Variants in MAP7 observed in about 807,000 individuals in gnomAD.
MAP7 encodes ensconsin.
Under a neutral mutation model 94.8 loss-of-function variants are expected in MAP7, and 52 were observed. That is an observed-to-expected ratio of 0.55 (90% CI 0.44 to 0.69). MAP7 has a LOEUF of 0.69. MAP7 is among the 30% of genes least tolerant of loss of function. The pLI is 0.00. For synonymous variants in MAP7, 350 were observed against 357.0 expected, an observed-to-expected ratio of 0.98 and a Z score of 0.22; for missense variants, 940 against 964.6, an observed-to-expected ratio of 0.97 and a Z score of 0.34.
chr6:136,388,640 T>G, intron 4 of MAP7, 130 bp from the exon 5 acceptor site: 1 of 705,044 alleles, frequency 1.4e-6, no homozygotes, highest in Non-Finnish European at 2.5e-6. Flanking sequence ...CTAGCTGAAC[T>G]TCTATACCAT....
In MAP7 at chr6:136,356,713, T is replaced by G; in HGVS notation, c.1994A>C (p.Gln665Pro). Residue 665 changes from glutamine (Q) to proline (P), a missense_variant, in exon 16 of 18, where the codon CAG (glutamine) becomes CCG (proline). Transcript: ENST00000354570. The stretch of plus-strand genomic sequence containing the variant: ...TCACCTCTCCACTGTCACTTTTGAC[T>G]GGTGTGAGGTAACCACATGTGGGCT... ...VGSPHVVTSH[Q>P]SKVTVESTPD... The G allele has an allele frequency of 1.2e-6, 2 of 1,614,138 alleles. No individual in the cohort carries two copies. The highest frequency in any genetic ancestry group is 8.5e-7 in the Non-Finnish European group (1 of 1,179,986).
chr6:136,466,861 C>A lies in MAP7; in HGVS notation c.68-45062G>T, dbSNP rs1807286811. 1.0e-5 allele frequency: 16 copies of A among 1,531,118 alleles called. No individual in the cohort carries two copies. In the East Asian group the frequency reaches 3.9e-4, roughly 37 times the overall value. 94.8% of individuals were successfully genotyped at this position (1,531,118 alleles called of 1,614,324 possible). A position where few individuals can be genotyped will look rare whatever the true frequency, so the allele number is the denominator to read the frequency against. On this transcript the variant is annotated intron_variant, in intron 1 of 17. Transcript: ENST00000354570. ...TCTTGCTTTGTGTCCCTCAGCCAGG[C>A]AAAGACCAAATATCAGTGAAGGGGC...
At chr6:136,526,726 A>G (rs1000996881) in intron 1 of MAP7, 7 of 967,628 alleles carry the variant, frequency 7.2e-6, no homozygotes, top group South Asian at 9.5e-5. Context: ...CAGAAGCCTG[A>G]GGAAGAAAGG....
At chr6:136,413,151 G>A (rs1226290955) in intron 2 of MAP7, among the ~76,000 whole-genome samples, 1 of 152,082 alleles carries the variant, frequency 6.6e-6, no homozygotes, top group Non-Finnish European at 1.5e-5. Context: ...AACAGAGCAA[G>A]ACTCTGTCTC....
intron 1 of MAP7, among the ~76,000 whole-genome samples, chr6:136,458,679 C>G (rs931805651): frequency 5.3e-5 from 8 of 151,998 alleles, no homozygotes; most frequent in East Asian, 1.9e-4. Context: ...AGGACAGTCT[C>G]TTTAACAAAT....
chr6:136,394,931 C>CATATATATATATATATATACATATAT lies in MAP7; in HGVS notation c.245-5415_245-5414insATATATGTATATATATATATATATAT, dbSNP rs1781891275. On this transcript the variant is annotated intron_variant, in intron 3 of 17. Coordinates refer to ENST00000354570, the MANE Select transcript of MAP7 (RefSeq NM_003980.6). ...TTTTTATGGTTGAATAATATTCCAT[C>CATATATATATATATATATACATATAT]ATATATATATATATATATATATATA... Among the ~76,000 whole-genome samples, 68 of 27,496 alleles carry CATATATATATATATATATACATATAT rather than the reference C, an allele frequency of 2.5e-3. 3 individuals are homozygous for CATATATATATATATATATACATATAT. Among genetic ancestry groups the CATATATATATATATATATACATATAT allele is most frequent in the African/African-American group, 5.8e-3 (68 of 11,648 alleles). The allele number at this position is 27,496 out of a possible 152,430, so 18.0% of individuals were successfully genotyped here. A position where few individuals can be genotyped will look rare whatever the true frequency, so the allele number is the denominator to read the frequency against.
intron 1 of MAP7, among the ~76,000 whole-genome samples, chr6:136,548,859 G>T (rs1829924807): frequency 6.6e-6 from 1 of 152,200 alleles, no homozygotes; most frequent in Non-Finnish European, 1.5e-5. Flanking sequence ...TACAAATGAG[G>T]ATGCTCCTCT....
rs1478164689 is a variant in MAP7, at chr6:136,343,438, T to C, written c.*790A>G. 1 of 152,674 alleles carries C rather than the reference T, an allele frequency of 6.5e-6. No homozygotes were observed. Among genetic ancestry groups the C allele is most frequent in the Non-Finnish European group, 1.5e-5 (1 of 68,042 alleles). 9.5% of individuals were successfully genotyped at this position (152,674 alleles called of 1,614,324 possible). ...TTCAGAAATAGCCCTGAATCATCAGTAACATTCTATCGTGGTAACATCAGA... is the reference window on the plus strand; with the variant it reads ...TTCAGAAATAGCCCTGAATCATCAGCAACATTCTATCGTGGTAACATCAGA... On this transcript the variant is annotated 3_prime_UTR_variant, in exon 18 of 18. Coordinates refer to ENST00000354570, the MANE Select transcript of MAP7 (RefSeq NM_003980.6).
intron 7 of MAP7, 124 bp from the exon 8 acceptor site, chr6:136,372,749 A>G: frequency 8.2e-7 from 1 of 1,215,408 alleles, no homozygotes; most frequent in Non-Finnish European, 1.2e-6. Flanking sequence ...AGAGATAGAG[A>G]GAAAAGTAGG....
chr6:136,351,806 C>T (rs1417574974), intron 16 of MAP7, among the ~76,000 whole-genome samples: 1 of 152,210 alleles, frequency 6.6e-6, no homozygotes, highest in African/African-American at 2.4e-5. Context: ...TATCCTTTGC[C>T]ACTGCTGGAG....
chr6:136,510,334 C>T lies in MAP7; in HGVS notation c.67+40008G>A, dbSNP rs144744807. Among the ~76,000 whole-genome samples, 44 of 152,268 alleles carry T rather than the reference C, an allele frequency of 2.9e-4. No homozygotes were observed. In the East Asian group the frequency reaches 8.5e-3, roughly 29 times the overall value. The stretch of plus-strand genomic sequence containing the variant: ...GGTTTTTAGGAGTCTCACAGTAACA[C>T]TCCACAGACCTAAAGAAACAGGAGG... On this transcript the variant is annotated intron_variant, in intron 1 of 17. Coordinates refer to ENST00000354570, the MANE Select transcript of MAP7 (RefSeq NM_003980.6).
intron 6 of MAP7, among the ~76,000 whole-genome samples, chr6:136,379,992 ATTG>A (rs905476646): frequency 2.6e-5 from 4 of 152,136 alleles, no homozygotes; most frequent in East Asian, 1.9e-4. Context: ...GAATTGGTGC[ATTG>A]TTGTTGTTGT....
At chr6:136,416,828 T>C (rs954476001) in intron 2 of MAP7, among the ~76,000 whole-genome samples, 1 of 150,042 alleles carries the variant, frequency 6.7e-6, no homozygotes, top group Non-Finnish European at 1.5e-5. Flanking sequence ...AAATTATATA[T>C]AGGTCAGGCA....
At chr6:136,399,376 G>T (rs1783422687) in intron 3 of MAP7, among the ~76,000 whole-genome samples, 1 of 152,054 alleles carries the variant, frequency 6.6e-6, no homozygotes, top group Non-Finnish European at 1.5e-5. Flanking sequence ...ACAGGGTTTT[G>T]CTCTGTAACT....
chr6:136,398,445 T>A (rs567316898), intron 3 of MAP7, among the ~76,000 whole-genome samples: 1 of 152,340 alleles, frequency 6.6e-6, no homozygotes, highest in East Asian at 1.9e-4. Flanking sequence ...TATTGCCACG[T>A]AGAGTGATAT....
At position 136,361,127 on chromosome 6, in the gene MAP7, G is replaced by A. The variant is rs138707784; in HGVS notation, c.1579C>T (p.Arg527Cys). 24 of 1,605,606 alleles carry A rather than the reference G, an allele frequency of 1.5e-5. No homozygotes were observed. Among genetic ancestry groups the A allele is most frequent in the Non-Finnish European group, 1.9e-5 (23 of 1,179,926 alleles). The change falls in exon 12 of 18, where the codon CGT becomes TGT. Residue 527 changes from arginine to cysteine, a missense_variant. By Grantham distance (180) the Arg-to-Cys change is radical. Coordinates refer to ENST00000354570, the MANE Select transcript of MAP7 (RefSeq NM_003980.6). ...QRVAEERTTRREEESRRLEAE... is the reference protein window; with the variant it reads ...QRVAEERTTRCEEESRRLEAE... ...TCCAGCCTGCGCGACTCCTCCTCACGGCGAGTCGTCCTCTCTTCAGCCACA... is the reference window on the plus strand; with the variant it reads ...TCCAGCCTGCGCGACTCCTCCTCACAGCGAGTCGTCCTCTCTTCAGCCACA...
chr6:136,469,820 G>T (rs1285443887), intron 1 of MAP7, among the ~76,000 whole-genome samples: 3 of 152,166 alleles, frequency 2.0e-5, no homozygotes, highest in African/African-American at 7.2e-5. Context: ...ATTTGTTCAA[G>T]TCAAGATCAC....
chr6:136,462,128 G>A (rs183939488), intron 1 of MAP7, among the ~76,000 whole-genome samples: 1 of 150,676 alleles, frequency 6.6e-6, no homozygotes, highest in African/African-American at 2.4e-5. Flanking sequence ...TGAGCCCAGG[G>A]GTTCCAATCT....
chr6:136,351,028 G>C (rs914214408), intron 16 of MAP7, among the ~76,000 whole-genome samples: 2 of 152,066 alleles, frequency 1.3e-5, no homozygotes, highest in South Asian at 2.1e-4. Flanking sequence ...TCTTGGAAAT[G>C]CAAGTCATAA....
Sources: allele counts gnomAD v4.1 joint callset (sites outside exome capture counted in the v4.1 genomes callset), GRCh38; gene constraint gnomAD v4.1.1; transcripts MANE v1.5; gene names NCBI Gene and HGNC (gene_info 2026-07-23, HGNC 2026-07-21).